ABCG2: variants seen among roughly 807,000 people sequenced by gnomAD.
The protein encoded by ABCG2 is broad substrate specificity ATP-binding cassette transporter ABCG2.
Under a neutral mutation model 73.5 loss-of-function variants are expected in ABCG2, and 80 were observed. The ratio of observed to expected loss-of-function variants is 1.09; its 90% CI spans 0.91 to 1.31. The LOEUF is 1.31. Ranked by LOEUF, ABCG2 falls within the 50% of genes most tolerant of loss-of-function variation. ABCG2 has a pLI of 0.00. For missense variants in ABCG2, 796 were observed against 786.2 expected, an observed-to-expected ratio of 1.01 and a Z score of -0.15; for synonymous variants, 269 against 282.4, an observed-to-expected ratio of 0.95 and a Z score of 0.48.
chr4:88,169,570 T>G (rs929333735), intron 1 of ABCG2, among the ~76,000 whole-genome samples: 1 of 152,138 alleles, frequency 6.6e-6, no homozygotes, highest in Non-Finnish European at 1.5e-5. Flanking sequence ...TAATGGTCAG[T>G]TAAACCCATC....
At chr4:88,197,818 G>T (rs1249740258) in intron 1 of ABCG2, among the ~76,000 whole-genome samples, 1 of 151,490 alleles carries the variant, frequency 6.6e-6, no homozygotes, top group Non-Finnish European at 1.5e-5. Flanking sequence ...ATAAATAAGA[G>T]GCCAGGAGTT....
At chr4:88,158,895 G>A, upstream of ABCG2, 2 of 340,200 alleles carry the variant, frequency 5.9e-6, no homozygotes, top group South Asian at 2.1e-5. Flanking sequence ...GCTGTGGACC[G>A]CCAGAGCTGA....
chr4:88,126,523 C>A (rs909557808), intron 5 of ABCG2, among the ~76,000 whole-genome samples: 1 of 152,178 alleles, frequency 6.6e-6, no homozygotes, highest in African/African-American at 2.4e-5. Context: ...ATGTGAATAT[C>A]CTCAATAAAC....
intron 14 of ABCG2, among the ~76,000 whole-genome samples, chr4:88,095,069 G>C (rs1427927032): frequency 1.3e-5 from 2 of 152,186 alleles, no homozygotes; most frequent in Non-Finnish European, 2.9e-5. Flanking sequence ...TTGGATGTTA[G>C]AAGCTTGGTT....
chr4:88,157,661 C>T (rs989745363), intron 1 of ABCG2, among the ~76,000 whole-genome samples: 6 of 152,054 alleles, frequency 3.9e-5, no homozygotes, highest in African/African-American at 1.5e-4. Context: ...TCGTTGAAAC[C>T]TTTCTCATCA....
At chr4:88,097,960 T>G (rs1722099772) in intron 12 of ABCG2, among the ~76,000 whole-genome samples, 1 of 152,182 alleles carries the variant, frequency 6.6e-6, no homozygotes, top group Admixed American at 6.5e-5. Context: ...TTACTCATTG[T>G]GTGCTGTAAC....
intron 1 of ABCG2, among the ~76,000 whole-genome samples, chr4:88,229,295 T>G (rs1280542063): frequency 1.3e-5 from 2 of 152,152 alleles, no homozygotes; most frequent in East Asian, 3.9e-4. Context: ...GACTATCACT[T>G]GTATAGCCCT....
intron 7 of ABCG2, 85 bp from the exon 8 acceptor site, chr4:88,115,143 G>T: frequency 2.4e-6 from 2 of 824,546 alleles, no homozygotes; most frequent in South Asian, 1.6e-5. Context: ...AGGGAGGTAA[G>T]GCTAGAGAAG....
intron 1 of ABCG2, among the ~76,000 whole-genome samples, chr4:88,187,495 C>T (rs948699038): frequency 3.7e-4 from 57 of 152,082 alleles, no homozygotes; most frequent in African/African-American, 1.2e-3. Context: ...TGCCTCTAAT[C>T]CCAGCTACTC....
chr4:88,198,024 T>A (rs1331541822), intron 1 of ABCG2, among the ~76,000 whole-genome samples: 1 of 115,638 alleles, frequency 8.6e-6, no homozygotes, highest in Non-Finnish European at 1.7e-5. Flanking sequence ...AGCAAGACTG[T>A]CTCCAAAAAA....
At chr4:88,187,736 A>C (rs562628669) in intron 1 of ABCG2, among the ~76,000 whole-genome samples, 96 of 152,212 alleles carry the variant, frequency 6.3e-4, no homozygotes, top group Non-Finnish European at 1.0e-3. Flanking sequence ...ATATACACCT[A>C]CAATGTACCC....
At chr4:88,139,754 A>G (rs1265025257) in intron 2 of ABCG2, 39 bp downstream of exon 2, 1 of 1,573,624 alleles carries the variant, frequency 6.4e-7, no homozygotes, top group Non-Finnish European at 8.7e-7. Context: ...CACTGTAGGT[A>G]AATTAAAAAG....
chr4:88,170,031 A>C (rs1055260749), intron 1 of ABCG2, among the ~76,000 whole-genome samples: 2 of 151,656 alleles, frequency 1.3e-5, no homozygotes, highest in African/African-American at 4.9e-5. Flanking sequence ...GAATTGCTTG[A>C]ACCCGGGAGG....
At chr4:88,120,363 A>T (rs1408952020) in intron 6 of ABCG2, among the ~76,000 whole-genome samples, 1 of 152,014 alleles carries the variant, frequency 6.6e-6, no homozygotes, top group Admixed American at 6.6e-5. Flanking sequence ...CATCCTTAAG[A>T]CCCCAGAATG....
chr4:88,141,686 C>T (rs1725650513), intron 1 of ABCG2, among the ~76,000 whole-genome samples: 1 of 152,150 alleles, frequency 6.6e-6, no homozygotes, highest in Non-Finnish European at 1.5e-5. Context: ...AGGAATCTCT[C>T]TGAATCTGCT....
chr4:88,117,978 A>G, intron 7 of ABCG2, 131 bp downstream of exon 7: 1 of 860,876 alleles, frequency 1.2e-6, no homozygotes, highest in Non-Finnish European at 1.7e-6. Context: ...AATGGAACAA[A>G]CACATTTTGA....
At chr4:88,102,021 G>C (rs1722459199) in intron 10 of ABCG2, among the ~76,000 whole-genome samples, 1 of 152,204 alleles carries the variant, frequency 6.6e-6, no homozygotes, top group Admixed American at 6.5e-5. Context: ...TGATTTTAAA[G>C]TTGAACAAAG....
rs557089641 is a variant in ABCG2, at chr4:88,149,574, G to A, written c.-20+8812C>T. 4.6e-5 allele frequency among the ~76,000 whole-genome samples: 7 copies of A among 152,274 alleles called. No individual in the cohort carries two copies. In the South Asian group the frequency reaches 6.2e-4, roughly 14 times the overall value. On this transcript the variant is annotated intron_variant, in intron 1 of 15. Coordinates refer to ENST00000237612, the MANE Select transcript of ABCG2 (RefSeq NM_004827.3). Reference sequence around the variant, plus strand: ...TCTCACCTATAAAATTAATTCGGCCGGGCATGGTGGTTCATGCCTGTAATG... The same window carrying A: ...TCTCACCTATAAAATTAATTCGGCCAGGCATGGTGGTTCATGCCTGTAATG...
chr4:88,167,762 T>A (rs1727599483), intron 1 of ABCG2, among the ~76,000 whole-genome samples: 1 of 152,156 alleles, frequency 6.6e-6, no homozygotes, highest in African/African-American at 2.4e-5. Flanking sequence ...CTTAGGACTT[T>A]AGTTATAACT....
Sources: allele counts gnomAD v4.1 joint callset (sites outside exome capture counted in the v4.1 genomes callset), GRCh38; gene constraint gnomAD v4.1.1; transcripts MANE v1.5; gene names NCBI Gene and HGNC (gene_info 2026-07-23, HGNC 2026-07-21).